Variants in EXOC2 observed in about 807,000 individuals in gnomAD.
EXOC2 encodes the protein exocyst complex component 2, also known as SEC5-like 1.
Under a neutral mutation model 131.8 loss-of-function variants are expected in EXOC2, and 70 were observed. That is an observed-to-expected ratio of 0.53 (90% CI 0.44 to 0.65). The LOEUF (loss-of-function observed/expected upper bound fraction) is 0.65. Ranked by LOEUF, EXOC2 falls within the 30% of genes least tolerant of loss-of-function variation. The pLI is 0.00. For synonymous variants in EXOC2, 411 were observed against 398.4 expected (o/e 1.03, Z -0.38); for missense variants, 923 against 1,108.6 (o/e 0.83, Z 2.38).
intron 16 of EXOC2, among the ~76,000 whole-genome samples, chr6:563,467 T>C (rs1020907915): frequency 1.3e-5 from 2 of 152,238 alleles, no homozygotes; most frequent in Non-Finnish European, 2.9e-5. Flanking sequence ...TGGTAGTAGA[T>C]AGTAAAGGCC....
chr6:673,608 G>T (rs1299756520), intron 1 of EXOC2, among the ~76,000 whole-genome samples: 1 of 152,028 alleles, frequency 6.6e-6, no homozygotes, highest in African/African-American at 2.4e-5. Context: ...ATGCACCAAG[G>T]CCTCATTTAC....
At chr6:570,136 C>CTTTTT (rs11423850) in intron 13 of EXOC2, among the ~76,000 whole-genome samples, 1 of 139,972 alleles carries the variant, frequency 7.1e-6, no homozygotes, top group African/African-American at 2.6e-5. Context: ...AATTCTTTCT[C>CTTTTT]TTTTTTTTTT....
At position 497,465 on chromosome 6, in the gene EXOC2, C is replaced by T; in HGVS notation, c.2461G>A (p.Val821Ile). 6.2e-7 allele frequency: 1 copy of T among 1,612,392 alleles called. No individual in the cohort carries two copies. Among genetic ancestry groups the T allele is most frequent in the Non-Finnish European group, 8.5e-7 (1 of 1,179,262 alleles). Residue 821 changes from valine (V) to isoleucine (I), a missense_variant, in exon 25 of 28, where the codon GTC becomes ATC. Physicochemically the swap from Val to Ile is conservative, Grantham distance 29. Transcript: ENST00000230449. ...AEVFTISKELVPRVLSKVIEA... is the reference protein window; with the variant it reads ...AEVFTISKELIPRVLSKVIEA... ...ATCACCTTGGATAGTACCCGAGGGA[C>T]CAGTTCTTTGGAAATGGTGAACACC...
intron 1 of EXOC2, among the ~76,000 whole-genome samples, chr6:659,347 G>C (rs1256744693): frequency 1.3e-5 from 2 of 152,166 alleles, no homozygotes; most frequent in Non-Finnish European, 2.9e-5. Flanking sequence ...GCCCCCAAGA[G>C]TCTTTTTAGG....
chr6:597,088 A>G (rs890262284), intron 10 of EXOC2, among the ~76,000 whole-genome samples: 13 of 152,212 alleles, frequency 8.5e-5, no homozygotes, highest in African/African-American at 3.1e-4. Context: ...GGTTGCCCAA[A>G]GTTAACAGCT....
intron 23 of EXOC2, among the ~76,000 whole-genome samples, chr6:527,145 G>A (rs1274836219): frequency 6.6e-6 from 1 of 152,088 alleles, no homozygotes; most frequent in African/African-American, 2.4e-5. Context: ...CATTTTAATG[G>A]TCCATTTTCT....
chr6:497,525 G>C, intron 24 of EXOC2, 36 bp from the exon 25 acceptor site: 1 of 1,571,728 alleles, frequency 6.4e-7, no homozygotes, highest in Non-Finnish European at 8.6e-7. Context: ...GCTTTGTGGG[G>C]CTTTTTGACT....
chr6:597,869 ACGC>A (rs1759904400), intron 10 of EXOC2, 149 bp downstream of exon 10: 1 of 587,798 alleles, frequency 1.7e-6, no homozygotes, highest in African/African-American at 1.9e-5. Context: ...TTGATGTCCT[ACGC>A]CAGATAACCC....
Position 564,133 on chromosome 6 carries a change from A to G in EXOC2, c.1689T>C (p.Thr563=). 2 of 1,614,106 alleles carry G rather than the reference A, an allele frequency of 1.2e-6. No homozygotes were observed. The highest frequency in any genetic ancestry group is 8.5e-7 in the Non-Finnish European group (1 of 1,179,984). ...QTVRLTHESL[T]ALEIPNDLLQ... Reference sequence around the variant, plus strand: ...ACAGGTCATTAGGAATTTCAAGGGCAGTCAACGATTCATGAGTAAGTCTGC... The same window carrying G: ...ACAGGTCATTAGGAATTTCAAGGGCGGTCAACGATTCATGAGTAAGTCTGC... The change falls in exon 16 of 28, where the codon ACT becomes ACC. Residue 563 remains threonine, a synonymous_variant. Transcript: ENST00000230449.
chr6:637,931 T>C lies in EXOC2; in HGVS notation c.-43-70A>G. 4 of 1,000,532 alleles carry C rather than the reference T, an allele frequency of 4.0e-6. No homozygotes were observed. The South Asian group carries it at 4.4e-5, about 11-fold the overall frequency. The allele number at this position is 1,000,532 out of a possible 1,614,324, so 62.0% of individuals were successfully genotyped here. A position where few individuals can be genotyped will look rare whatever the true frequency, so the allele number is the denominator to read the frequency against. On this transcript the variant is annotated intron_variant, in intron 1 of 27. Coordinates refer to ENST00000230449, the MANE Select transcript of EXOC2 (RefSeq NM_018303.6). Reference sequence around the variant, plus strand: ...GCATTGGCTGAAAATATAAGAATGCTAGACAGTCAGTACCAAAATATAAAA... The same window carrying C: ...GCATTGGCTGAAAATATAAGAATGCCAGACAGTCAGTACCAAAATATAAAA...
intron 7 of EXOC2, 130 bp from the exon 8 acceptor site, chr6:599,355 G>T: frequency 1.2e-6 from 1 of 846,688 alleles, no homozygotes; most frequent in Non-Finnish European, 1.7e-6. Context: ...CTGTTTTTCA[G>T]TTTAGGGGAT....
intron 11 of EXOC2, among the ~76,000 whole-genome samples, chr6:585,116 G>C (rs1174119905): frequency 6.6e-6 from 1 of 152,218 alleles, no homozygotes; most frequent in African/African-American, 2.4e-5. Context: ...ACACAAGGCT[G>C]CTTTGAACAT....
intron 21 of EXOC2, among the ~76,000 whole-genome samples, chr6:551,560 T>A (rs914527523): frequency 6.6e-6 from 1 of 152,150 alleles, no homozygotes; most frequent in Non-Finnish European, 1.5e-5. Flanking sequence ...CTGACTCTTG[T>A]GCTCCACCCA....
intron 25 of EXOC2, among the ~76,000 whole-genome samples, chr6:495,699 G>T (rs892239383): frequency 1.3e-5 from 2 of 152,156 alleles, no homozygotes; most frequent in Admixed American, 1.3e-4. Flanking sequence ...ACGTCTACTA[G>T]AGTCAGTCTT....
chr6:673,238 T>G, intron 1 of EXOC2, among the ~76,000 whole-genome samples: 1 of 92,916 alleles, frequency 1.1e-5, no homozygotes, highest in African/African-American at 4.7e-5. Context: ...GTGACAAAAG[T>G]GAGACTCCAT....
chr6:576,605 C>G (rs888757910), intron 12 of EXOC2, 152 bp downstream of exon 12: 1 of 704,224 alleles, frequency 1.4e-6, no homozygotes. Context: ...TATTAAATTA[C>G]TGGTAGTTAC....
At chr6:638,968 G>A (rs375774366) in intron 1 of EXOC2, among the ~76,000 whole-genome samples, 1 of 14,252 alleles carries the variant, frequency 7.0e-5, no homozygotes, top group Admixed American at 8.0e-4. Flanking sequence ...TAATAAACCC[G>A]AGAACTCAAG....
intron 21 of EXOC2, among the ~76,000 whole-genome samples, chr6:552,002 T>C (rs1757168650): frequency 6.6e-6 from 1 of 152,192 alleles, no homozygotes; most frequent in Admixed American, 6.5e-5. Context: ...CTCCGCGCCC[T>C]GTTGGAGGAG....
intron 10 of EXOC2, among the ~76,000 whole-genome samples, chr6:595,178 A>T (rs1759744182): frequency 6.6e-6 from 1 of 152,070 alleles, no homozygotes; most frequent in South Asian, 2.1e-4. Flanking sequence ...TAAAATAGTG[A>T]ATGATATTAG....
Sources: allele counts gnomAD v4.1 joint callset (sites outside exome capture counted in the v4.1 genomes callset), GRCh38; gene constraint gnomAD v4.1.1; transcripts MANE v1.5; gene names NCBI Gene and HGNC (gene_info 2026-07-23, HGNC 2026-07-21).